The following SLC12A5 variants were observed in gnomAD, a reference collection of about 807,000 sequenced individuals.
SLC12A5 encodes the protein K-Cl cotransporter 2.
In SLC12A5, 18 loss-of-function variants were observed where a neutral mutation model predicts 124.0. The ratio of observed to expected loss-of-function variants is 0.15; its 90% CI spans 0.10 to 0.22. SLC12A5 has a LOEUF of 0.22. Among genes scored for constraint, SLC12A5 ranks in the 10% least tolerant of loss-of-function variants. The pLI is 1.00. For synonymous variants in SLC12A5, 589 were observed against 568.0 expected (o/e 1.04, Z -0.53); for missense variants, 867 against 1,478.7 (o/e 0.59, Z 6.78).
Position 46,057,849 on chromosome 20 carries a change from A to C in SLC12A5, c.*244A>C. 2.2e-6 allele frequency: 1 copy of C among 447,214 alleles called. No homozygotes were observed. Among genetic ancestry groups the C allele is most frequent in the East Asian group, 3.7e-5 (1 of 26,744 alleles). 27.7% of individuals were successfully genotyped at this position (447,214 alleles called of 1,614,324 possible). A position where few individuals can be genotyped will look rare whatever the true frequency, so the allele number is the denominator to read the frequency against. ...CCTGGGTCTTCGCTGCCCTTTTTCT[A>C]AGCCCGGCCTCGTCTCGCCGGAGGA... On this transcript the variant is annotated 3_prime_UTR_variant, in exon 26 of 26. Coordinates refer to ENST00000243964, the MANE Select transcript of SLC12A5 (RefSeq NM_020708.5). This position sits in a 1 kb window ranked among gnomAD's most constrained non-coding sequence, Gnocchi z 7.1.
rs772033105 is a variant in SLC12A5, at chr20:46,043,210, C to A, written c.1124C>A (p.Thr375Asn). The A allele has an allele frequency of 2.1e-5, 34 of 1,613,832 alleles. No homozygotes were observed. The highest frequency in any genetic ancestry group is 2.8e-5 in the Non-Finnish European group (33 of 1,179,966). The change falls in exon 9 of 26, where the codon ACC (threonine) becomes AAC (asparagine). Residue 375 changes from threonine to asparagine, a missense_variant. Around this residue, in one of 9 missense-constraint regions of SLC12A5, gnomAD observed 127 missense variants for 164.1 expected, o/e 0.77. Transcript: ENST00000243964. Reference protein sequence around the residue: ...KGVIVERSGMTSVGLADGTPI... With the variant: ...KGVIVERSGMNSVGLADGTPI... ...GTGATTGTGGAGAGGAGTGGGATGACCTCGGTGGGCCTGGCCGATGGCACT... is the reference window on the plus strand; with the variant it reads ...GTGATTGTGGAGAGGAGTGGGATGAACTCGGTGGGCCTGGCCGATGGCACT...
chr20:46,043,515 G>A, intron 9 of SLC12A5, 118 bp from the exon 10 acceptor site: 1 of 1,220,042 alleles, frequency 8.2e-7, no homozygotes, highest in South Asian at 1.4e-5. Context: ...TCTCACACAA[G>A]CCAGTATGTT....
At chr20:46,025,410 C>A (rs531789770), upstream of SLC12A5, among the ~76,000 whole-genome samples, 171 of 152,318 alleles carry the variant, frequency 1.1e-3, no homozygotes, top group Non-Finnish European at 1.8e-3. Flanking sequence ...TCCATGGCAA[C>A]AAACTGGTTA....
chr20:46,032,318 G>C (rs900278165), intron 1 of SLC12A5, among the ~76,000 whole-genome samples: 3 of 152,216 alleles, frequency 2.0e-5, no homozygotes, highest in African/African-American at 7.2e-5. Context: ...CGCTTGGGAG[G>C]GGGTGTGAAA....
chr20:46,056,514 C>T lies in SLC12A5; in HGVS notation c.3060C>T (p.Gly1020=). 6.2e-7 allele frequency: 1 copy of T among 1,614,122 alleles called. No individual in the cohort carries two copies. The highest frequency in any genetic ancestry group is 8.5e-7 in the Non-Finnish European group (1 of 1,180,000). The stretch of plus-strand genomic sequence containing the variant: ...AGTCGGTGGCAGAGAAGAATAAGGG[C>T]CCCAGTCCTGTCTCCTCTGAGGGCA... ...KDKSVAEKNK[G]PSPVSSEGIK... The change falls in exon 23 of 26, where the codon GGC becomes GGT. Residue 1020 remains glycine (G), a synonymous_variant. Transcript: ENST00000243964. This position sits in a 1 kb window ranked among gnomAD's most constrained non-coding sequence, Gnocchi z 4.3.
At position 46,055,019 on chromosome 20, in the gene SLC12A5, G is replaced by T; in HGVS notation, c.2783G>T (p.Arg928Leu). Residue 928 changes from arginine to leucine, a missense_variant, in exon 21 of 26, where the codon CGG (arginine) becomes CTG (leucine). Transcript: ENST00000243964. ...QMHLTKNERE[R>L]EIQSITDESR... Reference sequence around the variant, plus strand: ...CATTTAACCAAGAATGAGCGGGAGCGGGAGGTGAGGTTGCCCTGGCTGGCC... The same window carrying T: ...CATTTAACCAAGAATGAGCGGGAGCTGGAGGTGAGGTTGCCCTGGCTGGCC... 4 of 1,613,748 alleles carry T rather than the reference G, an allele frequency of 2.5e-6. No individual in the cohort carries two copies. The Admixed American group carries it at 5.0e-5, about 20-fold the overall frequency.
chr20:46,042,311 A>T (rs538484492), intron 8 of SLC12A5, among the ~76,000 whole-genome samples: 53 of 152,164 alleles, frequency 3.5e-4, no homozygotes, highest in Non-Finnish European at 6.6e-4. Flanking sequence ...TTGAAGGTTC[A>T]TTCTGGCTGC....
At chr20:46,041,927 G>GGGA (rs2084551258) in intron 8 of SLC12A5, among the ~76,000 whole-genome samples, 1 of 125,984 alleles carries the variant, frequency 7.9e-6, no homozygotes, top group Admixed American at 9.5e-5. Flanking sequence ...GAGAATGCCC[G>GGGA]GGGGGGGAGA....
chr20:46,059,716 A>C lies in SLC12A5; in HGVS notation c.*2111A>C, dbSNP rs1206392797. ...TTATGAATGTTATCACAAGTCATTC[A>C]TCAAGTTATCTTTATAATCACTGTA... On this transcript the variant is annotated 3_prime_UTR_variant, in exon 26 of 26. Transcript: ENST00000243964. The C allele has an allele frequency of 2.5e-6, 1 of 398,894 alleles. No individual in the cohort carries two copies. The highest frequency in any genetic ancestry group is 4.4e-6 in the Non-Finnish European group (1 of 226,028). The allele number at this position is 398,894 out of a possible 1,614,324, so 24.7% of individuals were successfully genotyped here. A position where few individuals can be genotyped will look rare whatever the true frequency, so the allele number is the denominator to read the frequency against.
At chr20:46,039,812 A>G (rs1324827433) in intron 6 of SLC12A5, among the ~76,000 whole-genome samples, 1 of 152,006 alleles carries the variant, frequency 6.6e-6, no homozygotes, top group Non-Finnish European at 1.5e-5. Context: ...ACAATAAAAA[A>G]CCAACAACAA....
chr20:46,035,039 T>G lies in SLC12A5; in HGVS notation c.144T>G (p.Phe48Leu). 6.2e-7 allele frequency: 1 copy of G among 1,613,910 alleles called. No homozygotes were observed. The highest frequency in any genetic ancestry group is 8.5e-7 in the Non-Finnish European group (1 of 1,179,882). The change falls in exon 2 of 26, where the codon TTT becomes TTG. Residue 48 changes from phenylalanine to leucine, a missense_variant. By Grantham distance (22) the Phe-to-Leu change is conservative. Transcript: ENST00000243964. ...ATGATGGCAAGAACATGGCCTTGTTTGAGGTGGGCTGCTAGGGCTGTTGGG... is the reference window on the plus strand; with the variant it reads ...ATGATGGCAAGAACATGGCCTTGTTGGAGGTGGGCTGCTAGGGCTGTTGGG... ...KEYDGKNMALFEEEMDTSPMV... is the reference protein window; with the variant it reads ...KEYDGKNMALLEEEMDTSPMV...
At chr20:46,023,681 T>C, downstream of SLC12A5, 1 of 377,602 alleles carries the variant, frequency 2.6e-6, no homozygotes, top group Non-Finnish European at 4.7e-6. Context: ...CTGTAAGTTA[T>C]AGCTCATTTA....
At chr20:46,036,962 G>A (rs530996169) in intron 5 of SLC12A5, among the ~76,000 whole-genome samples, 167 bp downstream of exon 5, 95 of 151,870 alleles carry the variant, frequency 6.3e-4, no homozygotes, top group South Asian at 5.9e-3. Flanking sequence ...GGCAGCTCTC[G>A]GTGTTGAATA....
Position 46,059,926 on chromosome 20 carries a change from G to A in SLC12A5, c.*2321G>A, listed in dbSNP as rs2145513507. Reference sequence around the variant, plus strand: ...ATCAAGAGTATTTATTACTATTACTGCTATTATTATTAGGCCTGCCTTTAA... The same window carrying A: ...ATCAAGAGTATTTATTACTATTACTACTATTATTATTAGGCCTGCCTTTAA... On this transcript the variant is annotated 3_prime_UTR_variant, in exon 26 of 26. Coordinates refer to ENST00000243964, the MANE Select transcript of SLC12A5 (RefSeq NM_020708.5). 3.3e-6 allele frequency: 1 copy of A among 307,126 alleles called. No individual in the cohort carries two copies. Among genetic ancestry groups the A allele is most frequent in the Non-Finnish European group, 5.9e-6 (1 of 168,562 alleles). The allele number at this position is 307,126 out of a possible 1,614,324, so 19.0% of individuals were successfully genotyped here.
At position 46,059,219 on chromosome 20, in the gene SLC12A5, C is replaced by T. The variant is rs1236916217; in HGVS notation, c.*1614C>T. On this transcript the variant is annotated 3_prime_UTR_variant, in exon 26 of 26. Coordinates refer to ENST00000243964, the MANE Select transcript of SLC12A5 (RefSeq NM_020708.5). The stretch of plus-strand genomic sequence containing the variant: ...GACCTGCGCACCTAGCTTGACATCT[C>T]ACGCACCTCCCAGAGCTGGCGCCAC... 1 of 243,572 alleles carries T rather than the reference C, an allele frequency of 4.1e-6. No individual in the cohort carries two copies. Among genetic ancestry groups the T allele is most frequent in the Non-Finnish European group, 7.8e-6 (1 of 128,598 alleles). The allele number at this position is 243,572 out of a possible 1,614,324, so 15.1% of individuals were successfully genotyped here. A position where few individuals can be genotyped will look rare whatever the true frequency, so the allele number is the denominator to read the frequency against.
chr20:46,039,818 A>G (rs2084530654), intron 6 of SLC12A5, among the ~76,000 whole-genome samples: 1 of 151,954 alleles, frequency 6.6e-6, no homozygotes, highest in Non-Finnish European at 1.5e-5. Flanking sequence ...AAAAACCAAC[A>G]ACAACAATAA....
chr20:46,032,191 T>C (rs1358277080), intron 1 of SLC12A5, among the ~76,000 whole-genome samples: 2 of 152,304 alleles, frequency 1.3e-5, no homozygotes, highest in Non-Finnish European at 2.9e-5. Context: ...GGCGCTGCGC[T>C]CTCGGCCTGC....
Position 46,043,764 on chromosome 20 carries a change from G to A in SLC12A5, c.1336+33G>A, listed in dbSNP as rs368253344. The stretch of plus-strand genomic sequence containing the variant: ...GCACAGCTGTGCTGGGACCACCCTC[G>A]GGGGAGGGCAAGAGGGAGGGCAGCT... On this transcript the variant is annotated intron_variant, in intron 10 of 25. Coordinates refer to ENST00000243964, the MANE Select transcript of SLC12A5 (RefSeq NM_020708.5). The A allele has an allele frequency of 3.8e-5, 61 of 1,613,334 alleles. 1 individual carries two copies. The highest frequency in any genetic ancestry group is 8.8e-5 in the South Asian group (8 of 91,050).
At chr20:46,027,969 T>A (rs1219885884), upstream of SLC12A5, among the ~76,000 whole-genome samples, 1 of 152,110 alleles carries the variant, frequency 6.6e-6, no homozygotes, top group African/African-American at 2.4e-5. Context: ...CTAGTACCAG[T>A]GTGAAGATTG....
Sources: allele counts gnomAD v4.1 joint callset (sites outside exome capture counted in the v4.1 genomes callset), GRCh38; gene constraint gnomAD v4.1.1; regional missense constraint gnomAD v4.1.1; non-coding constraint Gnocchi (gnomAD v3.1); transcripts MANE v1.5; gene names NCBI Gene and HGNC (gene_info 2026-07-23, HGNC 2026-07-21).